The following OPCML variants were observed in gnomAD, a reference collection of about 807,000 sequenced individuals.
OPCML encodes the protein opioid-binding protein/cell adhesion molecule.
Under a neutral mutation model 37.8 loss-of-function variants are expected in OPCML, and 13 were observed. The ratio of observed to expected loss-of-function variants is 0.34; its 90% confidence interval spans 0.22 to 0.55. The LOEUF (loss-of-function observed/expected upper bound fraction) is 0.55, where lower values mean the gene tolerates loss of function less well. Ranked by LOEUF, OPCML falls within the 20% of genes least tolerant of loss-of-function variation. The pLI is 0.91. For missense variants in OPCML, 341 were observed against 435.6 expected, an observed-to-expected ratio of 0.78 and a Z score of 1.93; for synonymous variants, 176 against 168.8, an observed-to-expected ratio of 1.04 and a Z score of -0.33.
intron 2 of OPCML, among the ~76,000 whole-genome samples, chr11:132,771,409 G>A (rs1402562910): frequency 4.6e-5 from 7 of 152,142 alleles, no homozygotes; most frequent in Non-Finnish European, 7.3e-5. Context: ...TCAATTAGCC[G>A]ATTATTCAGC....
At chr11:132,604,614 C>T (rs181290061) in intron 3 of OPCML, among the ~76,000 whole-genome samples, 6 of 152,188 alleles carry the variant, frequency 3.9e-5, no homozygotes, top group African/African-American at 1.4e-4. Context: ...TAAGATTTAT[C>T]CTCTTCCCCC....
intron 3 of OPCML, among the ~76,000 whole-genome samples, chr11:132,644,650 C>G (rs1941052822): frequency 6.6e-6 from 1 of 152,202 alleles, no homozygotes; most frequent in South Asian, 2.1e-4. Flanking sequence ...CAGACACACA[C>G]AGGCCTGAAA....
At chr11:132,673,487 A>G (rs576706548) in intron 2 of OPCML, among the ~76,000 whole-genome samples, 4 of 152,266 alleles carry the variant, frequency 2.6e-5, no homozygotes, top group African/African-American at 7.2e-5. Flanking sequence ...ATTGTTTTCA[A>G]TGCTGTCACT....
intron 3 of OPCML, among the ~76,000 whole-genome samples, chr11:132,650,734 T>G (rs1349349822): frequency 6.6e-6 from 1 of 152,168 alleles, no homozygotes; most frequent in Non-Finnish European, 1.5e-5. Context: ...AGGCCTGCAC[T>G]TTTAGGAGCC....
intron 1 of OPCML, among the ~76,000 whole-genome samples, chr11:132,944,600 A>G (rs1240631987): frequency 6.6e-6 from 1 of 152,258 alleles, no homozygotes; most frequent in Non-Finnish European, 1.5e-5. Context: ...AGGGCTGGGA[A>G]AAACACACCA....
intron 4 of OPCML, among the ~76,000 whole-genome samples, chr11:132,487,653 G>A (rs1287326273): frequency 6.6e-6 from 1 of 152,104 alleles, no homozygotes; most frequent in Non-Finnish European, 1.5e-5. Flanking sequence ...CCAGCTTGGG[G>A]TTTTCCTCCT....
chr11:133,005,052 C>T, intron 1 of OPCML: 1 of 985,374 alleles, frequency 1.0e-6, no homozygotes, highest in Non-Finnish European at 1.2e-6. Context: ...GCCTGGGAAG[C>T]TTTCATGAAT....
At chr11:132,650,793 T>C (rs1373589274) in intron 3 of OPCML, among the ~76,000 whole-genome samples, 1 of 152,176 alleles carries the variant, frequency 6.6e-6, no homozygotes, top group African/African-American at 2.4e-5. Context: ...CCTGTTGTTT[T>C]CCACTCTTCT....
intron 2 of OPCML, among the ~76,000 whole-genome samples, chr11:132,753,913 C>T (rs1457677968): frequency 6.6e-6 from 1 of 152,170 alleles, no homozygotes; most frequent in Non-Finnish European, 1.5e-5. Flanking sequence ...CCATCATGCA[C>T]ATCAACTTTA....
chr11:132,729,929 T>G (rs1162788186), intron 2 of OPCML, among the ~76,000 whole-genome samples: 1 of 151,306 alleles, frequency 6.6e-6, no homozygotes, highest in Non-Finnish European at 1.5e-5. Context: ...CTATTCTGAG[T>G]CATCACCACA....
At chr11:133,031,306 G>A (rs757204558) in intron 1 of OPCML, among the ~76,000 whole-genome samples, 22 of 152,024 alleles carry the variant, frequency 1.4e-4, no homozygotes, top group Non-Finnish European at 2.6e-4. Context: ...ATGGATAGAT[G>A]GATGGGTGGT....
At chr11:133,148,345 C>T (rs904276457) in intron 1 of OPCML, among the ~76,000 whole-genome samples, 3 of 152,176 alleles carry the variant, frequency 2.0e-5, no homozygotes, top group Admixed American at 6.5e-5. Context: ...CAGCCAGAGA[C>T]GATAAACTTG....
At chr11:132,469,212 G>C (rs1313150199) in intron 4 of OPCML, among the ~76,000 whole-genome samples, 1 of 152,130 alleles carries the variant, frequency 6.6e-6, no homozygotes, top group Non-Finnish European at 1.5e-5. Context: ...GAAGCAAAAA[G>C]AAAATAAGAG....
At chr11:133,530,389 C>T (rs537746234) in intron 1 of OPCML, among the ~76,000 whole-genome samples, 1 of 152,348 alleles carries the variant, frequency 6.6e-6, no homozygotes, top group Non-Finnish European at 1.5e-5. Context: ...AGGGGCGCAT[C>T]CATACAGCCA....
chr11:132,461,687 G>A (rs1235419817), intron 4 of OPCML, among the ~76,000 whole-genome samples: 2 of 152,154 alleles, frequency 1.3e-5, no homozygotes, highest in East Asian at 3.9e-4. Context: ...CTCGAGACTG[G>A]ATAATTTATA....
chr11:132,422,480 T>C (rs2095963080), intron 7 of OPCML, among the ~76,000 whole-genome samples: 1 of 152,184 alleles, frequency 6.6e-6, no homozygotes, highest in Non-Finnish European at 1.5e-5. Flanking sequence ...CAGCTTCTGT[T>C]GAGCATTCTC....
intron 1 of OPCML, among the ~76,000 whole-genome samples, chr11:132,959,176 A>G (rs1485746489): frequency 1.3e-5 from 2 of 152,274 alleles, no homozygotes; most frequent in South Asian, 2.1e-4. Flanking sequence ...TCCAAGCCTC[A>G]TGGATGACTT....
In OPCML at chr11:133,259,232, A is replaced by G. The variant is rs539896697; in HGVS notation, c.61+273032T>C. On this transcript the variant is annotated intron_variant, in intron 1 of 7. Coordinates refer to ENST00000524381, the MANE Select transcript of OPCML (RefSeq NM_001012393.5). Reference sequence around the variant, plus strand: ...TTTGTTTTTATAAATAAACATTTTCATAAGTTAGGATGAGTTCTAACTACT... The same window carrying G: ...TTTGTTTTTATAAATAAACATTTTCGTAAGTTAGGATGAGTTCTAACTACT... 2.6e-5 allele frequency among the ~76,000 whole-genome samples: 4 copies of G among 152,360 alleles called. No individual in the cohort carries two copies. In the East Asian group the frequency reaches 7.7e-4, roughly 29 times the overall value.
intron 1 of OPCML, among the ~76,000 whole-genome samples, chr11:133,182,103 G>A (rs987673483): frequency 6.6e-6 from 1 of 152,126 alleles, no homozygotes; most frequent in Non-Finnish European, 1.5e-5. Flanking sequence ...AAAACAAAAC[G>A]TGATGCTACC....
Sources: allele counts gnomAD v4.1 joint callset (sites outside exome capture counted in the v4.1 genomes callset), GRCh38; gene constraint gnomAD v4.1.1; transcripts MANE v1.5; gene names NCBI Gene and HGNC (gene_info 2026-07-23, HGNC 2026-07-21).